Variants in ANKFN1 observed in about 807,000 individuals in gnomAD.
ANKFN1 encodes ankyrin repeat and fibronectin type-III domain-containing protein 1.
ANKFN1 carries 74 observed loss-of-function variants against 108.7 expected under a neutral mutation model. That is an observed-to-expected ratio of 0.68 (90% CI 0.56 to 0.83). The LOEUF (loss-of-function observed/expected upper bound fraction) is 0.83, where lower values mean the gene tolerates loss of function less well. ANKFN1 is among the 40% of genes least tolerant of loss of function. ANKFN1 has a pLI of 0.00. For synonymous variants in ANKFN1, 547 were observed against 516.2 expected (o/e 1.06, Z -0.81); for missense variants, 1,505 against 1,382.3 (o/e 1.09, Z -1.41).
At chr17:56,485,875 G>T (rs1321515296) in intron 18 of ANKFN1, among the ~76,000 whole-genome samples, 2 of 152,190 alleles carry the variant, frequency 1.3e-5, no homozygotes, top group African/African-American at 4.8e-5. Context: ...CAGAGATGCT[G>T]AGTCAGTAGG....
At chr17:56,098,917 A>G (rs747858410) in intron 4 of ANKFN1, among the ~76,000 whole-genome samples, 1 of 151,892 alleles carries the variant, frequency 6.6e-6, no homozygotes, top group Non-Finnish European at 1.5e-5. Flanking sequence ...GAAGGACACA[A>G]TGTCTTTGCG....
chr17:56,329,346 A>G (rs779147455), intron 4 of ANKFN1, among the ~76,000 whole-genome samples: 29 of 152,046 alleles, frequency 1.9e-4, no homozygotes, highest in Non-Finnish European at 3.7e-4. Context: ...CTATATCCTA[A>G]GCTGAACTAT....
chr17:56,158,471 A>T (rs189184556), intron 1 of ANKFN1, among the ~76,000 whole-genome samples: 38 of 152,364 alleles, frequency 2.5e-4, no homozygotes, highest in African/African-American at 9.1e-4. Flanking sequence ...AGAAAAAGTC[A>T]GCAAATCTAA....
chr17:56,500,702 T>C (rs1259119886), intron 20 of ANKFN1, among the ~76,000 whole-genome samples: 1 of 152,140 alleles, frequency 6.6e-6, no homozygotes, highest in Non-Finnish European at 1.5e-5. Flanking sequence ...TGTTTGTAGT[T>C]TAGGGAATTG....
intron 3 of ANKFN1, among the ~76,000 whole-genome samples, chr17:56,310,500 C>T (rs1394827516): frequency 6.6e-6 from 1 of 151,896 alleles, no homozygotes; most frequent in Non-Finnish European, 1.5e-5. Context: ...GCCTGTAGTC[C>T]CAGCTACTCA....
chr17:56,351,930 G>T (rs2046259376), intron 5 of ANKFN1, among the ~76,000 whole-genome samples: 1 of 152,130 alleles, frequency 6.6e-6, no homozygotes, highest in Admixed American at 6.6e-5. Context: ...GCCAACAAAA[G>T]CTTGGAGGAG....
chr17:56,179,466 G>A (rs891951983), intron 1 of ANKFN1, among the ~76,000 whole-genome samples: 11 of 152,092 alleles, frequency 7.2e-5, no homozygotes, highest in Non-Finnish European at 1.3e-4. Flanking sequence ...AGAACGGAAC[G>A]CATTTTTTCA....
chr17:56,391,380 G>A (rs1323176235), intron 8 of ANKFN1, among the ~76,000 whole-genome samples: 159 of 39,654 alleles, frequency 4.0e-3, no homozygotes, highest in African/African-American at 5.7e-3. Context: ...GTGTGTGTGT[G>A]TGTGTGTGTG....
chr17:56,372,762 G>A lies in ANKFN1; in HGVS notation c.718G>A (p.Glu240Lys). Residue 240 changes from glutamate to lysine, a missense_variant, in exon 7 of 21, where the codon GAG (glutamate) becomes AAG (lysine). Glu to Lys is a moderately conservative substitution (Grantham distance 56). Transcript: ENST00000682825. ...TGAAGGATTCACTCTGGACAACACA[G>A]AGAAAGAGAAGCAGCTGAAAGCTTG... ...ENEGFTLDNT[E>K]KEKQLKAWEW... 6.2e-7 allele frequency: 1 copy of A among 1,614,034 alleles called. No homozygotes were observed.
intron 3 of ANKFN1, among the ~76,000 whole-genome samples, chr17:56,229,506 G>A (rs1283979511): frequency 6.6e-6 from 1 of 151,674 alleles, no homozygotes; most frequent in Non-Finnish European, 1.5e-5. Context: ...GTTAAATACC[G>A]AAAGATACTT....
At chr17:56,072,717 T>G (rs1905134541) in intron 4 of ANKFN1, among the ~76,000 whole-genome samples, 1 of 152,224 alleles carries the variant, frequency 6.6e-6, no homozygotes, top group African/African-American at 2.4e-5. Context: ...TCAATGTAAG[T>G]CACCTAGCAC....
intron 4 of ANKFN1, among the ~76,000 whole-genome samples, chr17:56,096,103 T>G (rs949317308): frequency 2.6e-5 from 4 of 152,182 alleles, no homozygotes; most frequent in African/African-American, 9.7e-5. Flanking sequence ...TAAAGAGAAT[T>G]TATGGACAGG....
chr17:56,440,362 G>C lies in ANKFN1; in HGVS notation c.946G>C (p.Ala316Pro), dbSNP rs374971633. 6.2e-7 allele frequency: 1 copy of C among 1,612,480 alleles called. No homozygotes were observed. Among genetic ancestry groups the C allele is most frequent in the Non-Finnish European group, 8.5e-7 (1 of 1,179,042 alleles). The change falls in exon 9 of 21, where the codon GCT becomes CCT. Residue 316 changes from alanine to proline, a missense_variant. Transcript: ENST00000682825. ...WSMSEDFSPL[A>P]GEIIMDNLQT... Reference sequence around the variant, plus strand: ...TATGTCCGAAGACTTTTCTCCTTTGGCTGGAGAAATCATCATGGATAATCT... The same window carrying C: ...TATGTCCGAAGACTTTTCTCCTTTGCCTGGAGAAATCATCATGGATAATCT...
At chr17:56,254,304 T>TAACAATGAG (rs1231936937) in intron 3 of ANKFN1, 1 of 152,222 alleles carries the variant, frequency 6.6e-6, no homozygotes, top group African/African-American at 2.4e-5. Context: ...TTTAAAGTTA[T>TAACAATGAG]AACAATGAGA....
intron 3 of ANKFN1, among the ~76,000 whole-genome samples, chr17:56,301,433 A>C (rs371770081): frequency 6.6e-6 from 1 of 152,318 alleles, no homozygotes; most frequent in East Asian, 1.9e-4. Flanking sequence ...AAATGCTCTA[A>C]AATCATCTGG....
chr17:56,411,156 T>C (rs2048078806), intron 8 of ANKFN1, among the ~76,000 whole-genome samples: 1 of 152,190 alleles, frequency 6.6e-6, no homozygotes, highest in South Asian at 2.1e-4. Context: ...TCCACCTATG[T>C]TTTGTCTTCT....
intron 6 of ANKFN1, among the ~76,000 whole-genome samples, chr17:56,359,749 A>T (rs548445570): frequency 6.6e-6 from 1 of 152,292 alleles, no homozygotes; most frequent in South Asian, 2.1e-4. Context: ...GGCATGTCTA[A>T]GAGGTGTGAC....
chr17:56,341,732 A>C (rs1049244358), intron 4 of ANKFN1, among the ~76,000 whole-genome samples: 1 of 150,826 alleles, frequency 6.6e-6, no homozygotes, highest in East Asian at 1.9e-4. Flanking sequence ...GGATTTTTGC[A>C]TCAATGTTCT....
intron 1 of ANKFN1, among the ~76,000 whole-genome samples, chr17:56,189,746 T>C (rs1912696666): frequency 6.6e-6 from 1 of 152,172 alleles, no homozygotes; most frequent in African/African-American, 2.4e-5. Flanking sequence ...GACTTGGACA[T>C]CTTTGAGGGG....
Sources: allele counts gnomAD v4.1 joint callset (sites outside exome capture counted in the v4.1 genomes callset), GRCh38; gene constraint gnomAD v4.1.1; transcripts MANE v1.5; gene names NCBI Gene and HGNC (gene_info 2026-07-23, HGNC 2026-07-21).